KHDRBS2: variants seen among roughly 807,000 people sequenced by gnomAD.
KHDRBS2 encodes KH domain-containing, RNA-binding, signal transduction-associated protein 2.
A neutral mutation model predicts 44.3 loss-of-function variants in KHDRBS2; 26 were observed. That is an observed-to-expected ratio of 0.59 (90% CI 0.43 to 0.81). The LOEUF is 0.81. Among genes scored for constraint, KHDRBS2 ranks in the 40% least tolerant of loss-of-function variants. The pLI, the probability that KHDRBS2 is intolerant of heterozygous loss-of-function variation, is 0.00. For synonymous variants in KHDRBS2, 194 were observed against 151.1 expected (o/e 1.28, Z -2.08); for missense variants, 476 against 433.1 (o/e 1.10, Z -0.88).
intron 6 of KHDRBS2, among the ~76,000 whole-genome samples, chr6:61,749,009 CTTTTT>C (rs34423906): frequency 1.0e-5 from 1 of 97,232 alleles, no homozygotes; most frequent in Non-Finnish European, 1.9e-5. Flanking sequence ...TTCTTTCTTT[CTTTTT>C]TTTTTTTTTT....
intron 2 of KHDRBS2, among the ~76,000 whole-genome samples, chr6:62,107,552 C>G (rs536249680): frequency 1.5e-3 from 229 of 152,296 alleles, no homozygotes; most frequent in African/African-American, 5.4e-3. Flanking sequence ...CCATCCCCAT[C>G]AAGCTACCAA....
At chr6:61,790,189 A>T (rs1784416012) in intron 6 of KHDRBS2, among the ~76,000 whole-genome samples, 1 of 151,352 alleles carries the variant, frequency 6.6e-6, no homozygotes, top group East Asian at 1.9e-4. Context: ...ATAAAATACA[A>T]ATCTGTGTAA....
At chr6:62,140,611 A>G (rs569870861) in intron 2 of KHDRBS2, among the ~76,000 whole-genome samples, 1 of 152,298 alleles carries the variant, frequency 6.6e-6, no homozygotes, top group South Asian at 2.1e-4. Flanking sequence ...TATGATACAC[A>G]TATTACCATC....
At chr6:61,893,985 G>T (rs1802468628) in intron 6 of KHDRBS2, among the ~76,000 whole-genome samples, 1 of 151,958 alleles carries the variant, frequency 6.6e-6, no homozygotes, top group Non-Finnish European at 1.5e-5. Flanking sequence ...AATCTAGTCG[G>T]AGAAATGGAC....
chr6:62,239,660 G>A (rs1400042409), intron 1 of KHDRBS2, among the ~76,000 whole-genome samples: 1 of 152,074 alleles, frequency 6.6e-6, no homozygotes, highest in East Asian at 1.9e-4. Flanking sequence ...TAGATGACAG[G>A]TGTATATTTC....
At chr6:61,814,030 T>G (rs1454982530) in intron 6 of KHDRBS2, 1 of 455,974 alleles carries the variant, frequency 2.2e-6, no homozygotes, top group Admixed American at 2.3e-5. Flanking sequence ...CCAATTAGAT[T>G]AATGAAATAA....
chr6:62,109,841 A>C (rs1804590778), intron 2 of KHDRBS2, among the ~76,000 whole-genome samples: 1 of 151,882 alleles, frequency 6.6e-6, no homozygotes, highest in Non-Finnish European at 1.5e-5. Flanking sequence ...AATAAAAATA[A>C]TTTCAATTTA....
intron 6 of KHDRBS2, among the ~76,000 whole-genome samples, chr6:61,736,608 C>A (rs1378052507): frequency 6.6e-6 from 1 of 151,974 alleles, no homozygotes; most frequent in East Asian, 1.9e-4. Flanking sequence ...TGTTTTGTTT[C>A]ACTTTATTTT....
At chr6:61,786,757 GT>G (rs928349154) in intron 6 of KHDRBS2, among the ~76,000 whole-genome samples, 1 of 151,824 alleles carries the variant, frequency 6.6e-6, no homozygotes, top group Non-Finnish European at 1.5e-5. Context: ...TTTTTAGTTG[GT>G]TCAAGGAGCA....
chr6:61,773,290 T>C (rs948013923), intron 6 of KHDRBS2, among the ~76,000 whole-genome samples: 2 of 152,278 alleles, frequency 1.3e-5, no homozygotes, highest in Admixed American at 1.3e-4. Flanking sequence ...CTCCACATCC[T>C]CTCCAGCACC....
chr6:62,008,857 A>G (rs1779771129), intron 3 of KHDRBS2, among the ~76,000 whole-genome samples: 1 of 152,166 alleles, frequency 6.6e-6, no homozygotes, highest in South Asian at 2.1e-4. Flanking sequence ...AGGCCTCCCC[A>G]GCCACGTGGA....
chr6:62,266,312 G>C (rs1217543990), intron 1 of KHDRBS2, among the ~76,000 whole-genome samples: 10 of 151,990 alleles, frequency 6.6e-5, no homozygotes, highest in African/African-American at 2.4e-4. Flanking sequence ...TTTCTTGCTT[G>C]AGGGCTGGCT....
the KHDRBS2 span, among the ~76,000 whole-genome samples, chr6:61,547,008 G>A: frequency 6.6e-6 from 1 of 151,948 alleles, no homozygotes; most frequent in Non-Finnish European, 1.5e-5. Context: ...CGATTCCATT[G>A]CAGGACATAC....
chr6:61,747,490 A>G (rs1251331167), intron 6 of KHDRBS2, among the ~76,000 whole-genome samples: 1 of 152,220 alleles, frequency 6.6e-6, no homozygotes, highest in Non-Finnish European at 1.5e-5. Context: ...TTAAGAACCA[A>G]TCACTTACAT....
chr6:61,574,562 C>T, the KHDRBS2 span, among the ~76,000 whole-genome samples: 1 of 152,066 alleles, frequency 6.6e-6, no homozygotes, highest in South Asian at 2.1e-4. Context: ...TGAGACTTCA[C>T]CAGTCAAAAC....
intron 1 of KHDRBS2, among the ~76,000 whole-genome samples, chr6:62,178,151 G>A (rs1475964414): frequency 2.6e-5 from 4 of 151,390 alleles, no homozygotes; most frequent in Non-Finnish European, 4.4e-5. Flanking sequence ...ATGCTGTTAA[G>A]AATACAAAGG....
chr6:61,894,527 G>T, intron 6 of KHDRBS2, 108 bp downstream of exon 6: 1 of 857,280 alleles, frequency 1.2e-6, no homozygotes, highest in Non-Finnish European at 1.8e-6. Context: ...ATTCGTTTCT[G>T]CAACAAACAT....
chr6:61,812,606 A>G (rs1000147758), intron 6 of KHDRBS2, among the ~76,000 whole-genome samples: 8 of 152,110 alleles, frequency 5.3e-5, no homozygotes, highest in African/African-American at 1.9e-4. Flanking sequence ...AATGGCTAAT[A>G]CCTTTGAATT....
At chr6:62,227,929 T>A (rs1446348894) in intron 1 of KHDRBS2, among the ~76,000 whole-genome samples, 1 of 152,174 alleles carries the variant, frequency 6.6e-6, no homozygotes, top group Non-Finnish European at 1.5e-5. Context: ...TTTCCCAGTA[T>A]TTTGTTGAGG....
Sources: allele counts gnomAD v4.1 joint callset (sites outside exome capture counted in the v4.1 genomes callset), GRCh38; gene constraint gnomAD v4.1.1; transcripts MANE v1.5; gene names NCBI Gene and HGNC (gene_info 2026-07-23, HGNC 2026-07-21).